GNPNAT1: variants seen among roughly 807,000 people sequenced by gnomAD.
GNPNAT1 encodes glucosamine 6-phosphate N-acetyltransferase.
In GNPNAT1, 11 loss-of-function variants were observed where a neutral mutation model predicts 19.8. The observed-to-expected ratio is 0.56, with a 90% confidence interval of 0.35 to 0.92. The LOEUF is 0.92. Ranked by LOEUF, GNPNAT1 falls within the 40% of genes least tolerant of loss-of-function variation. The pLI, the probability that GNPNAT1 is intolerant of heterozygous loss-of-function variation, is 0.01. For synonymous variants in GNPNAT1, 71 were observed against 72.3 expected, an observed-to-expected ratio of 0.98 and a Z score of 0.09; for missense variants, 157 against 211.0, an observed-to-expected ratio of 0.74 and a Z score of 1.59.
chr14:52,783,858 A>G (rs780673844), intron 2 of GNPNAT1, among the ~76,000 whole-genome samples: 5 of 152,178 alleles, frequency 3.3e-5, no homozygotes, highest in Non-Finnish European at 7.4e-5. Flanking sequence ...GCTAAATACA[A>G]TATTCGTAAA....
rs1566686349 is a variant in GNPNAT1 at position 52,776,728 on chromosome 14, C to A, written c.*1583G>T. 6.6e-6 allele frequency: 1 copy of A among 151,690 alleles called. No individual in the cohort carries two copies. The highest frequency in any genetic ancestry group is 2.1e-4 in the South Asian group (1 of 4,796). 9.4% of individuals were successfully genotyped at this position (151,690 alleles called of 1,614,324 possible). A position where few individuals can be genotyped will look rare whatever the true frequency, so the allele number is the denominator to read the frequency against. Reference sequence around the variant, plus strand: ...ATGCCACCACGTCTGGCTAATTTTTCTTTTTTTTAGTAGAGACAGGGTTTC... The same window carrying A: ...ATGCCACCACGTCTGGCTAATTTTTATTTTTTTTAGTAGAGACAGGGTTTC... On this transcript the variant is annotated 3_prime_UTR_variant, in exon 6 of 6. Coordinates refer to ENST00000216410, the MANE Select transcript of GNPNAT1 (RefSeq NM_198066.4).
intron 5 of GNPNAT1, among the ~76,000 whole-genome samples, chr14:52,780,409 G>C (rs1360033089): frequency 6.6e-6 from 1 of 152,066 alleles, no homozygotes; most frequent in Non-Finnish European, 1.5e-5. Flanking sequence ...TAGCCCAAAA[G>C]TTTATCTCCT....
At chr14:52,785,338 T>C (rs1413484138) in intron 1 of GNPNAT1, among the ~76,000 whole-genome samples, 1 of 152,186 alleles carries the variant, frequency 6.6e-6, no homozygotes, top group Non-Finnish European at 1.5e-5. Context: ...GATTTTATTA[T>C]TGAGCCAAGA....
intron 3 of GNPNAT1, among the ~76,000 whole-genome samples, chr14:52,782,824 ATATT>A (rs781416243): frequency 9.2e-5 from 14 of 152,202 alleles, no homozygotes; most frequent in Non-Finnish European, 1.6e-4. Flanking sequence ...ATATTACTAA[ATATT>A]TAGTAATGAT....
intron 1 of GNPNAT1, among the ~76,000 whole-genome samples, chr14:52,786,699 T>C (rs180772479): frequency 6.4e-4 from 97 of 151,944 alleles, no homozygotes; most frequent in African/African-American, 2.3e-3. Context: ...GAAGTAACGA[T>C]AGGAAGGATG....
chr14:52,784,772 T>C (rs1381032269), intron 1 of GNPNAT1, 108 bp from the exon 2 acceptor site: 2 of 463,260 alleles, frequency 4.3e-6, no homozygotes, highest in Non-Finnish European at 7.4e-6. Flanking sequence ...CTTTAGCACA[T>C]ATGCGAGATA....
intron 1 of GNPNAT1, among the ~76,000 whole-genome samples, chr14:52,784,926 CT>C (rs571852245): frequency 0.02 from 2,355 of 119,722 alleles, 53 homozygotes; most frequent in East Asian, 0.11. Flanking sequence ...ATTATCAAGT[CT>C]TTTTTTTTTT....
At chr14:52,781,744 T>A in intron 4 of GNPNAT1, 40 bp downstream of exon 4, 1 of 1,552,190 alleles carries the variant, frequency 6.4e-7, no homozygotes. Context: ...TCAGTTGTGC[T>A]AGAAAACAGC....
chr14:52,779,490 T>G (rs1882826538), intron 5 of GNPNAT1, among the ~76,000 whole-genome samples: 1 of 152,046 alleles, frequency 6.6e-6, no homozygotes, highest in South Asian at 2.1e-4. Flanking sequence ...ATTCCAGCAC[T>G]TTAGGAGGCC....
chr14:52,780,648 A>T, intron 5 of GNPNAT1, 31 bp downstream of exon 5: 1 of 1,470,594 alleles, frequency 6.8e-7, no homozygotes, highest in East Asian at 2.3e-5. Context: ...AACAAAATTT[A>T]TCCAGGGTTA....
At chr14:52,782,874 A>G (rs1349260894) in intron 3 of GNPNAT1, among the ~76,000 whole-genome samples, 1 of 152,052 alleles carries the variant, frequency 6.6e-6, no homozygotes, top group Non-Finnish European at 1.5e-5. Flanking sequence ...AGGAAAAAGC[A>G]GTGGTAGAGC....
At chr14:52,780,615 A>AGTT (rs1882871433) in intron 5 of GNPNAT1, 64 bp downstream of exon 5, 1 of 961,816 alleles carries the variant, frequency 1.0e-6, no homozygotes, top group Non-Finnish European at 1.7e-6. Flanking sequence ...TCAAACAAGT[A>AGTT]TCTTGTTAAG....
chr14:52,790,885 T>C (rs1384237125), intron 1 of GNPNAT1, among the ~76,000 whole-genome samples: 2 of 152,166 alleles, frequency 1.3e-5, no homozygotes, highest in Non-Finnish European at 2.9e-5. Flanking sequence ...GTACTCGGTA[T>C]TTCTAGGGGT....
chr14:52,783,375 G>A (rs2139966551), intron 3 of GNPNAT1, 48 bp downstream of exon 3: 1 of 1,273,682 alleles, frequency 7.9e-7, no homozygotes, highest in East Asian at 2.3e-5. Context: ...AAACAAAAAT[G>A]AAATCATGTT....
At chr14:52,786,984 T>G (rs1357901111) in intron 1 of GNPNAT1, among the ~76,000 whole-genome samples, 2 of 149,584 alleles carry the variant, frequency 1.3e-5, no homozygotes, top group Non-Finnish European at 3.0e-5. Flanking sequence ...CTTATACAGA[T>G]AGCACAAATA....
intron 5 of GNPNAT1, 63 bp from the exon 6 acceptor site, chr14:52,778,521 A>G: frequency 7.3e-7 from 1 of 1,367,806 alleles, no homozygotes; most frequent in Non-Finnish European, 1.0e-6. Context: ...TGATTCTAGT[A>G]ACAATATGAA....
intron 1 of GNPNAT1, among the ~76,000 whole-genome samples, chr14:52,788,287 C>T (rs943530981): frequency 2.0e-5 from 3 of 151,308 alleles, no homozygotes; most frequent in Non-Finnish European, 1.5e-5. Context: ...GCTCATACCA[C>T]CACGCCTGGC....
rs1882971067 is a variant in GNPNAT1, at chr14:52,784,670, A to G, written c.-14-6T>C. The G allele has an allele frequency of 7.4e-7, 1 of 1,355,530 alleles. No individual in the cohort carries two copies. Among genetic ancestry groups the G allele is most frequent in the East Asian group, 2.5e-5 (1 of 40,312 alleles). The allele number at this position is 1,355,530 out of a possible 1,614,324, so 84.0% of individuals were successfully genotyped here. A position where few individuals can be genotyped will look rare whatever the true frequency, so the allele number is the denominator to read the frequency against. Reference sequence around the variant, plus strand: ...TTTCATTTTTCTAGTAAGGTCTAAAATAAAAATTTGAATATTAAGTCACTT... The same window carrying G: ...TTTCATTTTTCTAGTAAGGTCTAAAGTAAAAATTTGAATATTAAGTCACTT... On this transcript the variant is annotated splice_region_variant and splice_polypyrimidine_tract_variant and intron_variant, in intron 1 of 5. Transcript: ENST00000216410.
At chr14:52,783,740 A>T (rs1200279599) in intron 2 of GNPNAT1, among the ~76,000 whole-genome samples, 1 of 152,124 alleles carries the variant, frequency 6.6e-6, no homozygotes, top group Non-Finnish European at 1.5e-5. Context: ...GTATTTATAG[A>T]CCCAGAACAT....
Sources: allele counts gnomAD v4.1 joint callset (sites outside exome capture counted in the v4.1 genomes callset), GRCh38; gene constraint gnomAD v4.1.1; transcripts MANE v1.5; gene names NCBI Gene and HGNC (gene_info 2026-07-23, HGNC 2026-07-21).